Variants in ZNF141 observed in about 807,000 individuals in gnomAD.
ZNF141 encodes the protein zinc finger protein 141.
ZNF141 carries 7 observed loss-of-function variants against 11.3 expected under a neutral mutation model. That is an observed-to-expected ratio of 0.62 (90% CI 0.35 to 1.16). The LOEUF is 1.16. Ranked by LOEUF, ZNF141 falls within the 50% of genes most tolerant of loss-of-function variation. ZNF141 has a pLI of 0.02. For missense variants in ZNF141, 535 were observed against 554.0 expected, an observed-to-expected ratio of 0.97 and a Z score of 0.34; for synonymous variants, 183 against 190.7, an observed-to-expected ratio of 0.96 and a Z score of 0.33.
intron 3 of ZNF141, among the ~76,000 whole-genome samples, chr4:362,608 T>A (rs555429291): frequency 6.6e-6 from 1 of 152,342 alleles, no homozygotes; most frequent in Admixed American, 6.5e-5. Context: ...CTAGCCAGTT[T>A]TCCCAGCACC....
At position 373,315 on chromosome 4, in the gene ZNF141, C is replaced by T; in HGVS notation, c.878C>T (p.Thr293Ile). Residue 293 changes from threonine to isoleucine, a missense_variant, in exon 4 of 4, where the codon ACC becomes ATC. Physicochemically the swap from Thr to Ile is moderately conservative, Grantham distance 89. Transcript: ENST00000240499. ...TGTGAAGAATGTAGGAAAATCTTTA[C>T]CTCATCCTCAAACTTTGCCAAACAT... ...ITCEECRKIFTSSSNFAKHKR... is the reference protein window; with the variant it reads ...ITCEECRKIFISSSNFAKHKR... The T allele has an allele frequency of 1.2e-6, 2 of 1,610,446 alleles. No homozygotes were observed. The highest frequency in any genetic ancestry group is 1.7e-6 in the Non-Finnish European group (2 of 1,179,116).
rs547397091 is a variant in ZNF141 at position 359,793 on chromosome 4, G to A, written c.227-12871G>A. On this transcript the variant is annotated intron_variant, in intron 3 of 3. Transcript: ENST00000240499. ...CAAGATCCACCATCAAATAAATATT[G>A]GCAAGCCTACATCCAGGGGCAGAGA... Among the ~76,000 whole-genome samples, 338 of 152,264 alleles carry A rather than the reference G, an allele frequency of 2.2e-3. 1 individual carries two copies. The highest frequency in any genetic ancestry group is 2.7e-3 in the Non-Finnish European group (184 of 68,026).
intron 1 of ZNF141, among the ~76,000 whole-genome samples, chr4:341,131 G>C (rs1270950826): frequency 6.6e-6 from 1 of 151,134 alleles, no homozygotes; most frequent in African/African-American, 2.4e-5. Flanking sequence ...GCAGTGGTGC[G>C]ATCTCGGCTC....
chr4:337,886 C>T lies in ZNF141; in HGVS notation c.-98C>T, dbSNP rs3749522. 465 of 1,455,352 alleles carry T rather than the reference C, an allele frequency of 3.2e-4. No homozygotes were observed. Among genetic ancestry groups the T allele is most frequent in the Admixed American group, 4.5e-4 (22 of 49,402 alleles). The allele number at this position is 1,455,352 out of a possible 1,614,324, so 90.2% of individuals were successfully genotyped here. ...CTCTGCGTTCTCAGTTGTGGGAGGC[C>T]TTGGTGATTCGGCCACAGCTCAGCC... On this transcript the variant is annotated 5_prime_UTR_variant, in exon 1 of 4. Transcript: ENST00000240499.
In ZNF141 at chr4:369,350, C is replaced by T. The variant is rs528499834; in HGVS notation, c.227-3314C>T. On this transcript the variant is annotated intron_variant, in intron 3 of 3. Coordinates refer to ENST00000240499, the MANE Select transcript of ZNF141 (RefSeq NM_003441.4). Reference sequence around the variant, plus strand: ...GTACTTTGTGTTATATAACTTGGACCTGTTCTCCTCTTATTTGGTTATTTC... The same window carrying T: ...GTACTTTGTGTTATATAACTTGGACTTGTTCTCCTCTTATTTGGTTATTTC... Among the ~76,000 whole-genome samples, 3 of 152,120 alleles carry T rather than the reference C, an allele frequency of 2.0e-5. No individual in the cohort carries two copies. In the East Asian group the frequency reaches 5.8e-4, roughly 29 times the overall value.
chr4:344,292 C>G lies in ZNF141; in HGVS notation c.131-43C>G. 3.3e-6 allele frequency: 5 copies of G among 1,525,354 alleles called. No individual in the cohort carries two copies. In the South Asian group the frequency reaches 5.6e-5, roughly 17 times the overall value. 94.5% of individuals were successfully genotyped at this position (1,525,354 alleles called of 1,614,324 possible). On this transcript the variant is annotated intron_variant, in intron 2 of 3. Coordinates refer to ENST00000240499, the MANE Select transcript of ZNF141 (RefSeq NM_003441.4). Reference sequence around the variant, plus strand: ...AGTACTAGGTTGGTAATTGGAGAATCCCCATCAATAGTCATGTTATTATTT... The same window carrying G: ...AGTACTAGGTTGGTAATTGGAGAATGCCCATCAATAGTCATGTTATTATTT...
At chr4:369,266 G>A (rs947166125) in intron 3 of ZNF141, among the ~76,000 whole-genome samples, 20 of 151,764 alleles carry the variant, frequency 1.3e-4, no homozygotes, top group African/African-American at 4.6e-4. Flanking sequence ...GTCTTCCTTT[G>A]CCCCTTATGA....
rs1323597901 is a variant in ZNF141 at position 380,542 on chromosome 4, C to T, written c.*6680C>T. The stretch of plus-strand genomic sequence containing the variant: ...TGTCAGGCGCCTGTAATCCCAGCTA[C>T]TCAAGAGGTTGAGGCAGGAGAATCA... On this transcript the variant is annotated 3_prime_UTR_variant, in exon 4 of 4. Transcript: ENST00000240499. Among the ~76,000 whole-genome samples the T allele has an allele frequency of 6.6e-6, 1 of 151,920 alleles. No individual in the cohort carries two copies. The highest frequency in any genetic ancestry group is 1.9e-4 in the East Asian group (1 of 5,164).
At chr4:361,375 G>C (rs1722102576) in intron 3 of ZNF141, among the ~76,000 whole-genome samples, 1 of 148,000 alleles carries the variant, frequency 6.8e-6, no homozygotes, top group African/African-American at 2.5e-5. Context: ...AGATGTGTCA[G>C]AATATCTTTC....
rs1260724762 is a variant in ZNF141, at chr4:382,304, T to C, written c.*8442T>C. On this transcript the variant is annotated 3_prime_UTR_variant, in exon 4 of 4. Coordinates refer to ENST00000240499, the MANE Select transcript of ZNF141 (RefSeq NM_003441.4). ...CACTTGCCCTATAGCTGCTCCTAAATGTGGGGTCTTAGAAAACATCTTGTC... is the reference window on the plus strand; with the variant it reads ...CACTTGCCCTATAGCTGCTCCTAAACGTGGGGTCTTAGAAAACATCTTGTC... 2.0e-5 allele frequency among the ~76,000 whole-genome samples: 3 copies of C among 152,070 alleles called. No homozygotes were observed. Among genetic ancestry groups the C allele is most frequent in the African/African-American group, 7.2e-5 (3 of 41,414 alleles).
rs1317221365 is a variant in ZNF141 at position 383,345 on chromosome 4, G to T, written c.*9483G>T. The T allele has an allele frequency of 1.4e-5, 8 of 568,556 alleles. No homozygotes were observed. The highest frequency in any genetic ancestry group is 2.2e-5 in the Non-Finnish European group (7 of 322,858). 35.2% of individuals were successfully genotyped at this position (568,556 alleles called of 1,614,324 possible). On this transcript the variant is annotated 3_prime_UTR_variant, in exon 4 of 4. Transcript: ENST00000240499. ...TTTCGGGATTGTTATGCAGTTATAA[G>T]TTAGTAATATATACACCCATTAAAG...
Position 379,379 on chromosome 4 carries a change from CTTTAT to C in ZNF141, c.*5526_*5530del, listed in dbSNP as rs1458908486. On this transcript the variant is annotated 3_prime_UTR_variant, in exon 4 of 4. Transcript: ENST00000240499. Reference sequence around the variant, plus strand: ...TTAGAGTTCCTATGATTATTTTCTTCTTTATTTTATTTTTGAGACGGAGTCTCGCT... The same window carrying C: ...TTAGAGTTCCTATGATTATTTTCTTCTTTATTTTTGAGACGGAGTCTCGCT... 2.4e-4 allele frequency among the ~76,000 whole-genome samples: 36 copies of C among 151,814 alleles called. No individual in the cohort carries two copies. Among genetic ancestry groups the C allele is most frequent in the African/African-American group, 8.0e-4 (33 of 41,304 alleles).
chr4:380,224 C>T lies in ZNF141; in HGVS notation c.*6362C>T, dbSNP rs1473444567. On this transcript the variant is annotated 3_prime_UTR_variant, in exon 4 of 4. Transcript: ENST00000240499. ...TACCACGTTTTTGGAAAAATACATT[C>T]ATTTCTTGGTTGAAAAACTCACGTG... Among the ~76,000 whole-genome samples, 2 of 152,286 alleles carry T rather than the reference C, an allele frequency of 1.3e-5. No individual in the cohort carries two copies. The highest frequency in any genetic ancestry group is 4.8e-5 in the African/African-American group (2 of 41,558).
chr4:352,296 A>AG (rs1721642045), intron 3 of ZNF141, among the ~76,000 whole-genome samples: 1 of 152,222 alleles, frequency 6.6e-6, no homozygotes, highest in South Asian at 2.1e-4. Context: ...CTGAGGCAGG[A>AG]GAATCACTTG....
In ZNF141 at chr4:373,685, T is replaced by A; in HGVS notation, c.1248T>A (p.Ile416=). 6.2e-7 allele frequency: 1 copy of A among 1,614,100 alleles called. No homozygotes were observed. Among genetic ancestry groups the A allele is most frequent in the Non-Finnish European group, 8.5e-7 (1 of 1,180,014 alleles). ...RSTDRSQHKK[I]HSADKPYKCK... is the part of the protein sequence containing the mutation. ...CAGATCGGAGTCAACATAAGAAAATTCATAGTGCAGATAAACCCTACAAAT... is the reference window on the plus strand; with the variant it reads ...CAGATCGGAGTCAACATAAGAAAATACATAGTGCAGATAAACCCTACAAAT... Residue 416 remains isoleucine, a synonymous_variant, in exon 4 of 4, where the codon ATT becomes ATA. Coordinates refer to ENST00000240499, the MANE Select transcript of ZNF141 (RefSeq NM_003441.4).
In ZNF141 at chr4:381,245, T is replaced by TA. The variant is rs1553855563; in HGVS notation, c.*7384dup. Among the ~76,000 whole-genome samples the TA allele has an allele frequency of 6.6e-6, 1 of 152,148 alleles. No individual in the cohort carries two copies. The highest frequency in any genetic ancestry group is 2.4e-5 in the African/African-American group (1 of 41,434). On this transcript the variant is annotated 3_prime_UTR_variant, in exon 4 of 4. Transcript: ENST00000240499. ...TTTGCCTAAATGCTACCAATTATCTTACACTGGCTCCCCAAATAGGTTTTT... is the reference window on the plus strand; with the variant it reads ...TTTGCCTAAATGCTACCAATTATCTTAACACTGGCTCCCCAAATAGGTTTTT...
At chr4:346,591 T>C (rs1483554867) in intron 3 of ZNF141, among the ~76,000 whole-genome samples, 1 of 152,152 alleles carries the variant, frequency 6.6e-6, no homozygotes, top group Non-Finnish European at 1.5e-5. Flanking sequence ...ACTCAACTTA[T>C]AACTAAAAAT....
At chr4:348,049 T>G (rs1280686542) in intron 3 of ZNF141, among the ~76,000 whole-genome samples, 1 of 151,898 alleles carries the variant, frequency 6.6e-6, no homozygotes, top group Non-Finnish European at 1.5e-5. Context: ...TTTCACTGTG[T>G]TAGCCAAGAT....
intron 3 of ZNF141, among the ~76,000 whole-genome samples, chr4:351,031 G>A (rs1323273192): frequency 1.3e-5 from 2 of 151,422 alleles, no homozygotes; most frequent in African/African-American, 2.4e-5. Flanking sequence ...TTACAGGCGT[G>A]AGCCACCGCG....
Sources: gnomAD v4.1 joint callset for allele counts (sites outside exome capture counted in the v4.1 genomes callset) on GRCh38, gnomAD v4.1.1 for gene constraint, MANE v1.5 for transcripts, NCBI Gene and HGNC (gene_info 2026-07-23, HGNC 2026-07-21) for gene names.